Variants in PTPRM observed in about 807,000 individuals in gnomAD.
PTPRM encodes the protein protein tyrosine phosphatase receptor type M.
A neutral mutation model predicts 186.7 loss-of-function variants in PTPRM; 47 were observed. The ratio of observed to expected loss-of-function variants is 0.25; its 90% confidence interval spans 0.20 to 0.32. The LOEUF (loss-of-function observed/expected upper bound fraction) is 0.32, where lower values mean the gene tolerates loss of function less well. Ranked by LOEUF, PTPRM falls within the 10% of genes least tolerant of loss-of-function variation. PTPRM has a pLI of 1.00. For synonymous variants in PTPRM, 668 were observed against 674.9 expected, an observed-to-expected ratio of 0.99 and a Z score of 0.16; for missense variants, 1,494 against 1,865.0, an observed-to-expected ratio of 0.80 and a Z score of 3.66.
At chr18:8,280,076 G>T (rs1428964836) in intron 19 of PTPRM, among the ~76,000 whole-genome samples, 1 of 151,972 alleles carries the variant, frequency 6.6e-6, no homozygotes, top group Non-Finnish European at 1.5e-5. Flanking sequence ...GTACGCATCT[G>T]CTAGGGCTGC....
chr18:8,352,543 GT>G (rs140764114), intron 23 of PTPRM, among the ~76,000 whole-genome samples: 7,526 of 151,392 alleles, frequency 0.05, 578 homozygotes, highest in Admixed American at 0.2. Flanking sequence ...AGTATATTTG[GT>G]TTTGTTTCTG....
intron 2 of PTPRM, among the ~76,000 whole-genome samples, chr18:7,778,769 T>G (rs2042713954): frequency 6.6e-6 from 1 of 152,318 alleles, no homozygotes; most frequent in African/African-American, 2.4e-5. Context: ...CATGAGCCAC[T>G]GCACCCAGCC....
intron 1 of PTPRM, among the ~76,000 whole-genome samples, chr18:7,723,023 A>T (rs1211164729): frequency 6.6e-6 from 1 of 152,222 alleles, no homozygotes; most frequent in African/African-American, 2.4e-5. Context: ...AGAAGCCAGC[A>T]ACTCCAGGAA....
At chr18:8,208,262 G>GT (rs2093956370) in intron 14 of PTPRM, among the ~76,000 whole-genome samples, 1 of 152,208 alleles carries the variant, frequency 6.6e-6, no homozygotes, top group Admixed American at 6.5e-5. Flanking sequence ...TAGTGCACAG[G>GT]TACATGCTGA....
chr18:8,186,147 G>A (rs999113187), intron 14 of PTPRM, among the ~76,000 whole-genome samples: 3 of 151,982 alleles, frequency 2.0e-5, no homozygotes, highest in Non-Finnish European at 2.9e-5. Context: ...CCAACATGGT[G>A]AAACCCCGTC....
chr18:8,295,704 GAC>G (rs2095089767), intron 19 of PTPRM, among the ~76,000 whole-genome samples: 1 of 152,042 alleles, frequency 6.6e-6, no homozygotes, highest in Admixed American at 6.6e-5. Flanking sequence ...TGGAAATAAA[GAC>G]ACACATTTTA....
At chr18:7,745,760 A>G (rs1175748257) in intron 1 of PTPRM, among the ~76,000 whole-genome samples, 1 of 152,220 alleles carries the variant, frequency 6.6e-6, no homozygotes, top group African/African-American at 2.4e-5. Flanking sequence ...AGAAAAAGGA[A>G]TTGAGAGACA....
At chr18:8,345,165 T>C (rs78532436) in intron 23 of PTPRM, among the ~76,000 whole-genome samples, 1,584 of 152,296 alleles carry the variant, frequency 0.01, 31 homozygotes, top group African/African-American at 0.033. Flanking sequence ...TAAATGTTGT[T>C]ATTAGAAAAG....
At chr18:8,201,809 G>A (rs2093861855) in intron 14 of PTPRM, among the ~76,000 whole-genome samples, 1 of 152,138 alleles carries the variant, frequency 6.6e-6, no homozygotes, top group African/African-American at 2.4e-5. Context: ...TAATCACATT[G>A]AGGATAGGGA....
intron 1 of PTPRM, among the ~76,000 whole-genome samples, chr18:7,756,953 C>CCAT (rs2041525206): frequency 6.6e-6 from 1 of 152,168 alleles, no homozygotes; most frequent in African/African-American, 2.4e-5. Flanking sequence ...TGTGCTGCTC[C>CCAT]CATCCACCTT....
At chr18:7,942,776 A>T (rs1336939102) in intron 5 of PTPRM, among the ~76,000 whole-genome samples, 2 of 152,102 alleles carry the variant, frequency 1.3e-5, no homozygotes, top group Non-Finnish European at 2.9e-5. Flanking sequence ...ATCAACACTA[A>T]CAAAGTGGAG....
rs140389448 is a variant in PTPRM at position 7,686,029 on chromosome 18, T to C, written c.74-88120T>C. ...GGCTCAGAATAAAGATTGAGAGAGA[T>C]AGAGGGTAGTTTTAGGGAGCAGGAT... is the stretch of plus-strand genomic sequence containing the variant. On this transcript the variant is annotated intron_variant, in intron 1 of 32. Coordinates refer to ENST00000580170, the MANE Select transcript of PTPRM (RefSeq NM_001105244.2). Among the ~76,000 whole-genome samples, 308 of 152,098 alleles carry C rather than the reference T, an allele frequency of 2.0e-3. 2 individuals carry two copies. The highest frequency in any genetic ancestry group is 6.4e-3 in the African/African-American group (265 of 41,500).
chr18:7,888,518 T>C, intron 3 of PTPRM, 141 bp downstream of exon 3: 1 of 975,856 alleles, frequency 1.0e-6, no homozygotes, highest in South Asian at 2.0e-5. Flanking sequence ...TCTCATCCTA[T>C]ACTGTTGGTG....
intron 2 of PTPRM, among the ~76,000 whole-genome samples, chr18:7,855,607 C>T (rs1452014253): frequency 6.6e-6 from 1 of 152,216 alleles, no homozygotes; most frequent in Non-Finnish European, 1.5e-5. Context: ...TAGCACTGAA[C>T]TCACCTTGCA....
chr18:7,773,864 G>A (rs1407754565), intron 1 of PTPRM, among the ~76,000 whole-genome samples: 1 of 152,192 alleles, frequency 6.6e-6, no homozygotes, highest in Non-Finnish European at 1.5e-5. Flanking sequence ...ACAGGCATGA[G>A]CCACCATGCC....
chr18:8,138,080 G>A (rs1327022779), intron 13 of PTPRM, among the ~76,000 whole-genome samples: 6 of 152,122 alleles, frequency 3.9e-5, no homozygotes, highest in Non-Finnish European at 8.8e-5. Flanking sequence ...GCTGGCCCAC[G>A]TTCACGGCTT....
At chr18:8,308,880 C>G (rs1334252121) in intron 20 of PTPRM, among the ~76,000 whole-genome samples, 1 of 152,172 alleles carries the variant, frequency 6.6e-6, no homozygotes, top group African/African-American at 2.4e-5. Flanking sequence ...ACTAGTGTGG[C>G]CTTTGTACTG....
chr18:8,096,259 T>C (rs184350656), intron 11 of PTPRM, among the ~76,000 whole-genome samples: 1 of 152,352 alleles, frequency 6.6e-6, no homozygotes, highest in East Asian at 1.9e-4. Flanking sequence ...CTAAGTTTTT[T>C]ATCATACTGC....
At position 7,755,675 on chromosome 18, in the gene PTPRM, G is replaced by A. The variant is rs528360449; in HGVS notation, c.74-18474G>A. Among the ~76,000 whole-genome samples, 90 of 152,224 alleles carry A rather than the reference G, an allele frequency of 5.9e-4. 1 individual carries two copies. The South Asian group carries it at 0.018, about 31-fold the overall frequency. ...TTGGTTGCTTTTCTTAAATATCATT[G>A]GCCCAAAGCATAGCCAAGCCTTTTA... On this transcript the variant is annotated intron_variant, in intron 1 of 32. Transcript: ENST00000580170.
Sources: gnomAD v4.1 joint callset for allele counts (sites outside exome capture counted in the v4.1 genomes callset) on GRCh38, gnomAD v4.1.1 for gene constraint, MANE v1.5 for transcripts, NCBI Gene and HGNC (gene_info 2026-07-23, HGNC 2026-07-21) for gene names.